Variants in SLCO5A1 observed in about 807,000 individuals in gnomAD.
SLCO5A1 encodes organic anion transporter polypeptide-related protein 4.
A neutral mutation model predicts 65.1 loss-of-function variants in SLCO5A1; 39 were observed. That is an observed-to-expected ratio of 0.60 (90% confidence interval 0.46 to 0.78). The LOEUF is 0.78. Among genes scored for constraint, SLCO5A1 ranks in the 30% least tolerant of loss-of-function variants. SLCO5A1 has a pLI of 0.00. For synonymous variants in SLCO5A1, 438 were observed against 415.7 expected, an observed-to-expected ratio of 1.05 and a Z score of -0.65; for missense variants, 1,029 against 1,069.4, an observed-to-expected ratio of 0.96 and a Z score of 0.53.
chr8:69,704,202 T>A (rs1255619955), intron 6 of SLCO5A1, among the ~76,000 whole-genome samples: 1 of 152,228 alleles, frequency 6.6e-6, no homozygotes, highest in African/African-American at 2.4e-5. Flanking sequence ...GCACCAGCCA[T>A]GAGCCTTTTT....
chr8:69,725,223 T>A (rs538947022), intron 5 of SLCO5A1, among the ~76,000 whole-genome samples: 13 of 152,128 alleles, frequency 8.5e-5, no homozygotes, highest in Non-Finnish European at 1.5e-4. Context: ...GAACTTCCGA[T>A]GCCAAAACCC....
rs754937064 is a variant in SLCO5A1 at position 69,672,978 on chromosome 8, C to A, written c.2438G>T (p.Gly813Val). 6.2e-7 allele frequency: 1 copy of A among 1,614,206 alleles called. No homozygotes were observed. Among genetic ancestry groups the A allele is most frequent in the South Asian group, 1.1e-5 (1 of 91,082 alleles). ...EFHEETGLQK[G>V]IQCAAQTYPG... is the part of the protein sequence containing the mutation. ...GTAGGTCTGTGCTGCGCACTGGATC[C>A]CTTTTTGCAGGCCAGTCTCTTCGTG... The change falls in exon 10 of 10, where the codon GGG becomes GTG. Residue 813 changes from glycine (G) to valine (V), a missense_variant. Gly to Val is a moderately radical substitution (Grantham distance 109). Transcript: ENST00000260126.
At chr8:69,724,211 G>T (rs1276599612) in intron 5 of SLCO5A1, among the ~76,000 whole-genome samples, 1 of 152,070 alleles carries the variant, frequency 6.6e-6, no homozygotes, top group Non-Finnish European at 1.5e-5. Flanking sequence ...TATTTATACA[G>T]TACCTATTTC....
chr8:69,668,043 G>A lies in SLCO5A1; in HGVS notation c.*4826C>T, dbSNP rs532887567. 1 of 152,276 alleles carries A rather than the reference G, an allele frequency of 6.6e-6. No individual in the cohort carries two copies. The highest frequency in any genetic ancestry group is 2.1e-4 in the South Asian group (1 of 4,834). The allele number at this position is 152,276 out of a possible 1,614,324, so 9.4% of individuals were successfully genotyped here. A position where few individuals can be genotyped will look rare whatever the true frequency, so the allele number is the denominator to read the frequency against. Reference sequence around the variant, plus strand: ...TCATTAAATACTTTTTAGCACCAAGGCATTTTTTTTAATGTTGCAAAAGCA... The same window carrying A: ...TCATTAAATACTTTTTAGCACCAAGACATTTTTTTTAATGTTGCAAAAGCA... On this transcript the variant is annotated 3_prime_UTR_variant, in exon 10 of 10. Coordinates refer to ENST00000260126, the MANE Select transcript of SLCO5A1 (RefSeq NM_030958.3).
At position 69,766,851 on chromosome 8, in the gene SLCO5A1, G is replaced by A. The variant is rs547406945; in HGVS notation, c.908-4976C>T. Among the ~76,000 whole-genome samples the A allele has an allele frequency of 8.5e-5, 13 of 152,208 alleles. No individual in the cohort carries two copies. The South Asian group carries it at 2.1e-3, about 24-fold the overall frequency. On this transcript the variant is annotated intron_variant, in intron 2 of 9. Coordinates refer to ENST00000260126, the MANE Select transcript of SLCO5A1 (RefSeq NM_030958.3). ...CACTGCTATGTCCCCAGTGCCCTGC[G>A]CATGGAGGAGGCACACAGCCCTCTG...
At chr8:69,715,074 T>G (rs1030086374) in intron 5 of SLCO5A1, 2 of 152,238 alleles carry the variant, frequency 1.3e-5, no homozygotes, top group African/African-American at 4.8e-5. Flanking sequence ...ATTTCATCTT[T>G]GATGGCTTAC....
intron 5 of SLCO5A1, among the ~76,000 whole-genome samples, chr8:69,736,304 C>A (rs1412542354): frequency 6.6e-6 from 1 of 152,240 alleles, no homozygotes; most frequent in Non-Finnish European, 1.5e-5. Flanking sequence ...GACACCCCAG[C>A]TCCAGCTGAA....
intron 2 of SLCO5A1, among the ~76,000 whole-genome samples, chr8:69,790,173 C>G (rs1185971386): frequency 4.6e-5 from 6 of 129,226 alleles, no homozygotes; most frequent in African/African-American, 1.8e-4. Flanking sequence ...GCCTGGGCAA[C>G]AGAGCGAGAC....
intron 5 of SLCO5A1, chr8:69,713,765 C>T (rs901062691): frequency 6.6e-6 from 1 of 152,226 alleles, no homozygotes; most frequent in African/African-American, 2.4e-5. Context: ...ATTCTCTCCA[C>T]ATCACAGAGG....
intron 2 of SLCO5A1, among the ~76,000 whole-genome samples, chr8:69,808,842 T>C (rs1209194601): frequency 1.3e-5 from 2 of 152,112 alleles, no homozygotes; most frequent in Non-Finnish European, 2.9e-5. Context: ...TGGTGGCTCA[T>C]GCCTGTAATC....
At chr8:69,673,397 A>G in intron 9 of SLCO5A1, 71 bp from the exon 10 acceptor site, 3 of 1,363,820 alleles carry the variant, frequency 2.2e-6, no homozygotes, top group South Asian at 2.6e-5. Flanking sequence ...TTTGTAAATT[A>G]GCAAGGTACT....
chr8:69,787,496 T>A (rs1819082266), intron 2 of SLCO5A1, among the ~76,000 whole-genome samples: 1 of 152,218 alleles, frequency 6.6e-6, no homozygotes. Context: ...TAAAGCTGGA[T>A]GTGTCTTGGA....
chr8:69,705,030 C>T lies in SLCO5A1; in HGVS notation c.1622+1G>A, dbSNP rs1350440158. 1 of 1,610,248 alleles carries T rather than the reference C, an allele frequency of 6.2e-7. No individual in the cohort carries two copies. Among genetic ancestry groups the T allele is most frequent in the Admixed American group, 1.7e-5 (1 of 60,030 alleles). ...CGACACGGCTCTTAAGAGGTACTTACCCTGTTGTATAAGGGATGTTTATGC... is the reference window on the plus strand; with the variant it reads ...CGACACGGCTCTTAAGAGGTACTTATCCTGTTGTATAAGGGATGTTTATGC... On this transcript the variant is annotated splice_donor_variant, in intron 6 of 9. Coordinates refer to ENST00000260126, the MANE Select transcript of SLCO5A1 (RefSeq NM_030958.3). LOFTEE classifies it high-confidence loss of function.
chr8:69,724,167 C>CTATTCAA (rs1815959732), intron 5 of SLCO5A1, among the ~76,000 whole-genome samples: 1 of 152,124 alleles, frequency 6.6e-6, no homozygotes, highest in African/African-American at 2.4e-5. Flanking sequence ...ATATAAATAC[C>CTATTCAA]TATTCAATTT....
intron 5 of SLCO5A1, among the ~76,000 whole-genome samples, chr8:69,724,966 G>C (rs1815997713): frequency 1.3e-5 from 2 of 152,010 alleles, no homozygotes; most frequent in Admixed American, 1.3e-4. Context: ...AATAATCCTG[G>C]TTCTCCTGTC....
chr8:69,768,035 C>A (rs935390851), intron 2 of SLCO5A1, among the ~76,000 whole-genome samples: 1 of 151,814 alleles, frequency 6.6e-6, no homozygotes, highest in Non-Finnish European at 1.5e-5. Flanking sequence ...GAGCTCAAGA[C>A]CAGCCTGGGC....
intron 4 of SLCO5A1, among the ~76,000 whole-genome samples, chr8:69,747,969 A>G (rs1332079414): frequency 6.6e-6 from 1 of 152,192 alleles, no homozygotes; most frequent in African/African-American, 2.4e-5. Context: ...CATATGCAAC[A>G]TGGCCAACAC....
At chr8:69,717,887 C>A (rs1025372503) in intron 5 of SLCO5A1, among the ~76,000 whole-genome samples, 2 of 152,098 alleles carry the variant, frequency 1.3e-5, no homozygotes, top group Admixed American at 6.5e-5. Context: ...TTAAAATATA[C>A]ATAACTTCAC....
intron 5 of SLCO5A1, among the ~76,000 whole-genome samples, chr8:69,734,038 AAC>A (rs1312079089): frequency 3.3e-5 from 5 of 152,298 alleles, no homozygotes; most frequent in Admixed American, 6.5e-5. Context: ...GTTCAGTAGA[AAC>A]ACACTATACC....
Sources: gnomAD v4.1 joint callset for allele counts (sites outside exome capture counted in the v4.1 genomes callset) on GRCh38, gnomAD v4.1.1 for gene constraint, MANE v1.5 for transcripts, NCBI Gene and HGNC (gene_info 2026-07-23, HGNC 2026-07-21) for gene names.